Variants in CPEB2 observed in about 807,000 individuals in gnomAD.
The protein encoded by CPEB2 is cytoplasmic polyadenylation element-binding protein 2.
Under a neutral mutation model 93.6 loss-of-function variants are expected in CPEB2, and 56 were observed. The ratio of observed to expected loss-of-function variants is 0.60; its 90% CI spans 0.48 to 0.75. The LOEUF is 0.75. Ranked by LOEUF, CPEB2 falls within the 30% of genes least tolerant of loss-of-function variation. The pLI is 0.00. For synonymous variants in CPEB2, 764 were observed against 586.3 expected (o/e 1.30, Z -4.38); for missense variants, 1,579 against 1,395.1 (o/e 1.13, Z -2.10).
At chr4:15,065,566 G>A (rs1171847102) in intron 11 of CPEB2, among the ~76,000 whole-genome samples, 1 of 152,074 alleles carries the variant, frequency 6.6e-6, no homozygotes, top group Non-Finnish European at 1.5e-5. Flanking sequence ...GGAAACTGAG[G>A]TGGAGAAGTT....
intron 4 of CPEB2, among the ~76,000 whole-genome samples, chr4:15,019,745 C>T (rs1724608174): frequency 6.6e-6 from 1 of 151,976 alleles, no homozygotes; most frequent in Non-Finnish European, 1.5e-5. Flanking sequence ...GGAGGGTAAA[C>T]TTTTAAAATG....
rs1449952697 is a variant in CPEB2, at chr4:15,017,276, A to C, written c.2123A>C (p.Lys708Thr). 6 of 1,554,602 alleles carry C rather than the reference A, an allele frequency of 3.9e-6. No individual in the cohort carries two copies. The highest frequency in any genetic ancestry group is 5.3e-6 in the Non-Finnish European group (6 of 1,137,122). Residue 708 changes from lysine (K) to threonine (T), a missense_variant and splice_region_variant, in exon 4 of 12, where the codon AAG becomes ACG. This residue lies in a region of CPEB2 where 1,411 missense variants were observed against 1,056.0 expected (regional missense o/e 1.34). Coordinates refer to ENST00000538197, the MANE Select transcript of CPEB2 (RefSeq NM_001177382.2). ...ATGAGAGCAGAGCATGATCCTCTTA[A>C]GGGTAGGTGACTTTTTAAAAAAATA... ...DIMRAEHDPLKGRLSYPHPGT... is the reference protein window; with the variant it reads ...DIMRAEHDPLTGRLSYPHPGT...
chr4:15,058,864 G>A lies in CPEB2; in HGVS notation c.2581-323G>A, dbSNP rs964902020. On this transcript the variant is annotated intron_variant, in intron 9 of 11. Coordinates refer to ENST00000538197, the MANE Select transcript of CPEB2 (RefSeq NM_001177382.2). ...GAACCCTATTGTGAACTGCACGTGC[G>A]AGTGATCTAGGTTGCATGTTCTTTA... Among the ~76,000 whole-genome samples the A allele has an allele frequency of 6.6e-5, 10 of 152,052 alleles. No homozygotes were observed. In the South Asian group the frequency reaches 8.3e-4, roughly 13 times the overall value.
intron 6 of CPEB2, among the ~76,000 whole-genome samples, chr4:15,046,789 G>A (rs1727749342): frequency 6.6e-6 from 1 of 151,940 alleles, no homozygotes; most frequent in Non-Finnish European, 1.5e-5. Context: ...CTTTTTAACA[G>A]TATCTTTGAT....
chr4:15,069,564 C>T lies in CPEB2; in HGVS notation c.*3184C>T, dbSNP rs1310513715. ...GGAGAGACTTTTTTCATGCATATTT[C>T]TATTTTGTTTTTTTGGGTTTTATTT... On this transcript the variant is annotated 3_prime_UTR_variant, in exon 12 of 12. Coordinates refer to ENST00000538197, the MANE Select transcript of CPEB2 (RefSeq NM_001177382.2). 1 of 151,724 alleles carries T rather than the reference C, an allele frequency of 6.6e-6. No homozygotes were observed. Among genetic ancestry groups the T allele is most frequent in the Non-Finnish European group, 1.5e-5 (1 of 67,666 alleles). 9.4% of individuals were successfully genotyped at this position (151,724 alleles called of 1,614,324 possible).
At chr4:15,046,605 C>A (rs1234529308) in intron 6 of CPEB2, among the ~76,000 whole-genome samples, 1 of 152,146 alleles carries the variant, frequency 6.6e-6, no homozygotes, top group African/African-American at 2.4e-5. Flanking sequence ...TTCCTGATGA[C>A]TAAGGATGAC....
chr4:15,041,226 T>C (rs1293938456), intron 6 of CPEB2, among the ~76,000 whole-genome samples: 1 of 152,104 alleles, frequency 6.6e-6, no homozygotes, highest in Non-Finnish European at 1.5e-5. Context: ...GACTAGTAGA[T>C]GGGATGAGAG....
intron 5 of CPEB2, among the ~76,000 whole-genome samples, chr4:15,039,701 CAT>C (rs926163454): frequency 2.0e-5 from 3 of 151,670 alleles, no homozygotes; most frequent in African/African-American, 7.3e-5. Flanking sequence ...CTGCAAGTAA[CAT>C]AGATAGAAAT....
rs1157357512 is a variant in CPEB2, at chr4:15,004,123, G to A, written c.1450G>A (p.Gly484Ser). Residue 484 changes from glycine (G) to serine (S), a missense_variant, in exon 1 of 12, where the codon GGC becomes AGC. Gly to Ser is a moderately conservative substitution (Grantham distance 56, BLOSUM62 0). Transcript: ENST00000538197. ...GCTCAGCGTTCCGACGAGCGGCGGC[G>A]GCGGCGGCGGCTTCGGCGGCCCCTT... ...TGLSVPTSGGGGGGFGGPFSA... is the reference protein window; with the variant it reads ...TGLSVPTSGGSGGGFGGPFSA... 1.3e-6 allele frequency: 2 copies of A among 1,535,844 alleles called. No individual in the cohort carries two copies. Among genetic ancestry groups the A allele is most frequent in the East Asian group, 2.7e-5 (1 of 37,068 alleles).
intron 4 of CPEB2, among the ~76,000 whole-genome samples, chr4:15,025,230 C>G (rs900894678): frequency 1.0e-4 from 15 of 150,366 alleles, no homozygotes; most frequent in Non-Finnish European, 2.2e-4. Context: ...TTTTTAAAAC[C>G]TCCTTTAAAA....
At chr4:15,011,675 C>T (rs191272564) in intron 3 of CPEB2, among the ~76,000 whole-genome samples, 38 of 152,170 alleles carry the variant, frequency 2.5e-4, no homozygotes, top group Admixed American at 7.2e-4. Context: ...GTTAAGGTTA[C>T]GCTATATTTA....
At chr4:15,063,067 G>C (rs1331259964) in intron 11 of CPEB2, among the ~76,000 whole-genome samples, 3 of 152,102 alleles carry the variant, frequency 2.0e-5, no homozygotes, top group East Asian at 3.9e-4. Flanking sequence ...AGAATATGCG[G>C]GTAAATGAAT....
At position 15,052,596 on chromosome 4, in the gene CPEB2, G is replaced by T; in HGVS notation, c.2371+12G>T. 6.8e-7 allele frequency: 1 copy of T among 1,468,500 alleles called. No individual in the cohort carries two copies. Among genetic ancestry groups the T allele is most frequent in the Non-Finnish European group, 9.2e-7 (1 of 1,091,204 alleles). The allele number at this position is 1,468,500 out of a possible 1,614,324, so 91.0% of individuals were successfully genotyped here. ...AGATATTGATGAAGGTATTTATTAA[G>T]ATATTTATTAACATGGTGATTTGGG... is the stretch of plus-strand genomic sequence containing the variant. On this transcript the variant is annotated intron_variant, in intron 7 of 11. Transcript: ENST00000538197.
intron 8 of CPEB2, among the ~76,000 whole-genome samples, chr4:15,055,446 A>G (rs1272601807): frequency 1.3e-5 from 2 of 152,158 alleles, no homozygotes; most frequent in African/African-American, 4.8e-5. Flanking sequence ...CTCTCTTGCC[A>G]TTTCATAAAG....
Position 15,003,312 on chromosome 4 carries a change from G to GCCAGCCGGCCCGCTCCT in CPEB2, c.649_665dup (p.Gln223ArgfsTer91). The GCCAGCCGGCCCGCTCCT allele has an allele frequency of 7.0e-7, 1 of 1,423,794 alleles. No homozygotes were observed. Among genetic ancestry groups the GCCAGCCGGCCCGCTCCT allele is most frequent in the Non-Finnish European group, 9.1e-7 (1 of 1,102,680 alleles). 88.2% of individuals were successfully genotyped at this position (1,423,794 alleles called of 1,614,324 possible). On this transcript the variant is annotated frameshift_variant, in exon 1 of 12. Coordinates refer to ENST00000538197, the MANE Select transcript of CPEB2 (RefSeq NM_001177382.2). LOFTEE classifies it high-confidence loss of function. ...CCGGTCGGTTCAGCCCGCCGCCGCC[G>GCCAGCCGGCCCGCTCCT]CCAGCCGGCCCGCTCCTCCAGCCGG...
chr4:15,057,510 A>G (rs1470825384), intron 8 of CPEB2, among the ~76,000 whole-genome samples: 3 of 152,162 alleles, frequency 2.0e-5, no homozygotes, highest in African/African-American at 4.8e-5. Flanking sequence ...AATGCTGTAC[A>G]TTTGTTCGCA....
rs369752396 is a variant in CPEB2, at chr4:15,054,119, T to A, written c.2372-9T>A. On this transcript the variant is annotated splice_polypyrimidine_tract_variant and intron_variant, in intron 7 of 11. Transcript: ENST00000538197. ...TAATTTCTAATGTGTATTATTGTAC[T>A]TTCTTAAGATGAAATAACTGCTAGC... The A allele has an allele frequency of 1.3e-6, 2 of 1,591,928 alleles. No individual in the cohort carries two copies. The highest frequency in any genetic ancestry group is 1.7e-6 in the Non-Finnish European group (2 of 1,163,582).
At chr4:15,025,817 G>A (rs1725389487) in intron 4 of CPEB2, among the ~76,000 whole-genome samples, 1 of 152,022 alleles carries the variant, frequency 6.6e-6, no homozygotes, top group Admixed American at 6.6e-5. Flanking sequence ...CACGGCTTAG[G>A]TTTGTGTTTC....
rs146107721 is a variant in CPEB2 at position 15,051,298 on chromosome 4, T to C, written c.2201-1116T>C. 4.9e-3 allele frequency among the ~76,000 whole-genome samples: 751 copies of C among 152,310 alleles called. 9 individuals carry two copies. The highest frequency in any genetic ancestry group is 0.017 in the African/African-American group (704 of 41,564). ...CTTCACCACCTACTAAATGTCTCGT[T>C]AGCCTGTCATTCAATGCTAAATACT... On this transcript the variant is annotated intron_variant, in intron 6 of 11. Coordinates refer to ENST00000538197, the MANE Select transcript of CPEB2 (RefSeq NM_001177382.2).
Sources: allele counts gnomAD v4.1 joint callset (sites outside exome capture counted in the v4.1 genomes callset), GRCh38; gene constraint gnomAD v4.1.1; regional missense constraint gnomAD v4.1.1; transcripts MANE v1.5; gene names NCBI Gene and HGNC (gene_info 2026-07-23, HGNC 2026-07-21).